Variants in COL15A1 observed in about 807,000 individuals in gnomAD.
COL15A1 encodes the protein collagen alpha-1(XV) chain.
Under a neutral mutation model 165.9 loss-of-function variants are expected in COL15A1, and 111 were observed. The ratio of observed to expected loss-of-function variants is 0.67; its 90% confidence interval spans 0.57 to 0.78. The LOEUF is 0.78. Ranked by LOEUF, COL15A1 falls within the 30% of genes least tolerant of loss-of-function variation. The probability of loss-of-function intolerance (pLI) is 0.00; values close to 1 mark genes in which losing one functional copy is unlikely to be tolerated. For missense variants in COL15A1, 1,745 were observed against 1,789.7 expected (o/e 0.98, Z 0.45); for synonymous variants, 659 against 674.8 (o/e 0.98, Z 0.36).
chr9:99,005,138 C>T (rs536567518), intron 9 of COL15A1, 88 bp downstream of exon 9: 6 of 1,365,272 alleles, frequency 4.4e-6, no homozygotes, highest in Non-Finnish European at 4.9e-6. Context: ...CTCAGCAAAC[C>T]CATGGGAGCC....
intron 5 of COL15A1, among the ~76,000 whole-genome samples, chr9:98,991,105 T>C (rs1035487308): frequency 6.6e-6 from 1 of 152,142 alleles, no homozygotes; most frequent in Non-Finnish European, 1.5e-5. Flanking sequence ...ACCCACCCCA[T>C]GAGTGTTACA....
intron 11 of COL15A1, among the ~76,000 whole-genome samples, chr9:99,017,066 C>T (rs751339829): frequency 3.3e-5 from 5 of 152,246 alleles, no homozygotes; most frequent in African/African-American, 4.8e-5. Context: ...GGACACATAG[C>T]GGCTCTGGGC....
At chr9:99,021,554 T>C (rs1839027954) in intron 12 of COL15A1, among the ~76,000 whole-genome samples, 1 of 152,236 alleles carries the variant, frequency 6.6e-6, no homozygotes, top group African/African-American at 2.4e-5. Context: ...TTTCCAAATG[T>C]GTGCTTCTGT....
In COL15A1 at chr9:99,070,462, G is replaced by A. The variant is rs933020218; in HGVS notation, c.*576G>A. ...AAATATTATTGCCATCATGCTTTAG[G>A]AATTTTATATTTTTACACAATCATA... On this transcript the variant is annotated 3_prime_UTR_variant, in exon 42 of 42. Transcript: ENST00000375001. 3.9e-6 allele frequency: 1 copy of A among 254,886 alleles called. No individual in the cohort carries two copies. Among genetic ancestry groups the A allele is most frequent in the Non-Finnish European group, 8.0e-6 (1 of 125,708 alleles). The allele number at this position is 254,886 out of a possible 1,614,324, so 15.8% of individuals were successfully genotyped here. A position where few individuals can be genotyped will look rare whatever the true frequency, so the allele number is the denominator to read the frequency against.
At chr9:99,011,001 G>T (rs1209309628) in intron 9 of COL15A1, among the ~76,000 whole-genome samples, 1 of 151,992 alleles carries the variant, frequency 6.6e-6, no homozygotes, top group Admixed American at 6.6e-5. Context: ...TTAGCATCAG[G>T]CCACAACATT....
rs111603185 is a variant in COL15A1, at chr9:98,997,185, C to T, written c.952+104C>T. ...ACATACAGAATCTCATTTAACCTTC[C>T]CCTCAACCCTTTAAGAAAGGGTGAG... On this transcript the variant is annotated intron_variant, in intron 6 of 41. Coordinates refer to ENST00000375001, the MANE Select transcript of COL15A1 (RefSeq NM_001855.5). 2.0e-5 allele frequency: 27 copies of T among 1,379,238 alleles called. No individual in the cohort carries two copies. In the African/African-American group the frequency reaches 2.3e-4, roughly 12 times the overall value. 85.4% of individuals were successfully genotyped at this position (1,379,238 alleles called of 1,614,324 possible). A position where few individuals can be genotyped will look rare whatever the true frequency, so the allele number is the denominator to read the frequency against.
At chr9:99,014,964 T>C (rs992899357) in intron 9 of COL15A1, among the ~76,000 whole-genome samples, 21 of 152,224 alleles carry the variant, frequency 1.4e-4, no homozygotes, top group African/African-American at 4.8e-4. Context: ...GGGGTGACTT[T>C]GAGTTCCATC....
intron 2 of COL15A1, among the ~76,000 whole-genome samples, chr9:98,960,734 G>T (rs868537755): frequency 6.6e-6 from 1 of 152,134 alleles, no homozygotes; most frequent in African/African-American, 2.4e-5. Flanking sequence ...ACGAAATAAC[G>T]CCCCAAGCTC....
In COL15A1 at chr9:99,061,491, T is replaced by C. The variant is rs78397252; in HGVS notation, c.3403-480T>C. On this transcript the variant is annotated intron_variant, in intron 36 of 41. Transcript: ENST00000375001. ...TAACTACCAAGCTAGACAAAAAAGATTTAAGACCTTAAGTATAGTTGCTCA... is the reference window on the plus strand; with the variant it reads ...TAACTACCAAGCTAGACAAAAAAGACTTAAGACCTTAAGTATAGTTGCTCA... 4.1e-3 allele frequency among the ~76,000 whole-genome samples: 624 copies of C among 152,342 alleles called. 3 individuals are homozygous for C. The highest frequency in any genetic ancestry group is 0.014 in the African/African-American group (569 of 41,578).
intron 2 of COL15A1, among the ~76,000 whole-genome samples, chr9:98,968,927 A>G (rs1197948664): frequency 2.0e-5 from 3 of 152,118 alleles, no homozygotes; most frequent in Non-Finnish European, 4.4e-5. Context: ...TATACTGGCT[A>G]TGTTATAGCA....
chr9:99,036,461 T>C, intron 21 of COL15A1, 65 bp downstream of exon 21: 1 of 1,567,686 alleles, frequency 6.4e-7, no homozygotes, highest in Non-Finnish European at 8.8e-7. Flanking sequence ...GAGGAGAAGG[T>C]TGTCCATGAC....
intron 30 of COL15A1, among the ~76,000 whole-genome samples, chr9:99,050,280 T>C (rs1280779797): frequency 6.6e-6 from 1 of 152,248 alleles, no homozygotes; most frequent in Non-Finnish European, 1.5e-5. Context: ...TGTAACTAAC[T>C]ATGCTGCCCT....
intron 22 of COL15A1, 103 bp downstream of exon 22, chr9:99,038,836 C>A: frequency 1.4e-6 from 1 of 695,180 alleles, no homozygotes; most frequent in Non-Finnish European, 2.6e-6. Context: ...AAGCGTAGAG[C>A]TAGAATATAT....
At chr9:99,042,574 A>G (rs1839426206) in intron 24 of COL15A1, among the ~76,000 whole-genome samples, 4 of 152,234 alleles carry the variant, frequency 2.6e-5, no homozygotes, top group Admixed American at 2.0e-4. Context: ...CTTCTTTTCC[A>G]TAGCTCCAAT....
intron 2 of COL15A1, among the ~76,000 whole-genome samples, chr9:98,960,277 G>A (rs958143093): frequency 1.3e-5 from 2 of 152,110 alleles, no homozygotes; most frequent in Non-Finnish European, 2.9e-5. Context: ...ACATGTGCCT[G>A]TACTCCCAGC....
chr9:98,977,787 C>G (rs949629127), intron 2 of COL15A1, among the ~76,000 whole-genome samples: 11 of 152,236 alleles, frequency 7.2e-5, no homozygotes, highest in African/African-American at 2.7e-4. Context: ...AAGCTTATAC[C>G]TTGCATTTCC....
At position 99,024,932 on chromosome 9, in the gene COL15A1, C is replaced by A; in HGVS notation, c.1913C>A (p.Thr638Asn). The A allele has an allele frequency of 1.2e-6, 2 of 1,614,006 alleles. No individual in the cohort carries two copies. Among genetic ancestry groups the A allele is most frequent in the Non-Finnish European group, 1.7e-6 (2 of 1,179,870 alleles). Reference protein sequence around the residue: ...GLPGIPGKPGTDVFMGPPGSP... With the variant: ...GLPGIPGKPGNDVFMGPPGSP... The stretch of plus-strand genomic sequence containing the variant: ...CCTGGGATTCCAGGAAAACCAGGAA[C>A]TGATGTTTTCATGGGACCCCCTGGA... The change falls in exon 15 of 42, where the codon ACT becomes AAT. Residue 638 changes from threonine (T) to asparagine (N), a missense_variant. Physicochemically the swap from Thr to Asn is moderately conservative, Grantham distance 65. Transcript: ENST00000375001.
Position 98,960,233 on chromosome 9 carries a change from C to A in COL15A1, c.100+15983C>A, listed in dbSNP as rs570929244. 4.6e-5 allele frequency among the ~76,000 whole-genome samples: 7 copies of A among 152,006 alleles called. No homozygotes were observed. In the South Asian group the frequency reaches 1.2e-3, roughly 27 times the overall value. ...GACCAGCCTGGGCACCATAGTGAGACAACATCTCTATAAAAAATTAGCATG... is the reference window on the plus strand; with the variant it reads ...GACCAGCCTGGGCACCATAGTGAGAAAACATCTCTATAAAAAATTAGCATG... On this transcript the variant is annotated intron_variant, in intron 2 of 41. Transcript: ENST00000375001.
intron 30 of COL15A1, among the ~76,000 whole-genome samples, chr9:99,052,171 C>A (rs552971541): frequency 9.8e-5 from 15 of 152,358 alleles, no homozygotes; most frequent in Non-Finnish European, 1.8e-4. Context: ...GTCTCCCCAG[C>A]TCAACTACAT....
Sources: allele counts gnomAD v4.1 joint callset (sites outside exome capture counted in the v4.1 genomes callset), GRCh38; gene constraint gnomAD v4.1.1; transcripts MANE v1.5; gene names NCBI Gene and HGNC (gene_info 2026-07-23, HGNC 2026-07-21).